EBF2: variants seen among roughly 807,000 people sequenced by gnomAD.
EBF2 encodes transcription factor COE2.
In EBF2, 21 loss-of-function variants were observed where a neutral mutation model predicts 72.8. The observed-to-expected ratio is 0.29, with a 90% CI of 0.20 to 0.42. The LOEUF is 0.42. Among genes scored for constraint, EBF2 ranks in the 10% least tolerant of loss-of-function variants. The probability of loss-of-function intolerance (pLI) is 1.00; values close to 1 mark genes in which losing one functional copy is unlikely to be tolerated. For synonymous variants in EBF2, 299 were observed against 274.2 expected, an observed-to-expected ratio of 1.09 and a Z score of -0.89; for missense variants, 637 against 731.2, an observed-to-expected ratio of 0.87 and a Z score of 1.49.
At chr8:25,847,533 C>T (rs1283182720) in intron 15 of EBF2, among the ~76,000 whole-genome samples, 5 of 152,192 alleles carry the variant, frequency 3.3e-5, no homozygotes, top group Non-Finnish European at 5.9e-5. Flanking sequence ...TGTCAACCCT[C>T]GCCTCCTCCC....
chr8:25,844,487 C>T lies in EBF2; in HGVS notation c.*122G>A. The T allele has an allele frequency of 8.7e-7, 1 of 1,146,430 alleles. No homozygotes were observed. Among genetic ancestry groups the T allele is most frequent in the East Asian group, 2.4e-5 (1 of 42,434 alleles). The allele number at this position is 1,146,430 out of a possible 1,614,324, so 71.0% of individuals were successfully genotyped here. On this transcript the variant is annotated 3_prime_UTR_variant, in exon 16 of 16. Coordinates refer to ENST00000520164, the MANE Select transcript of EBF2 (RefSeq NM_022659.4). ...AGTAAGATGCTGGCTCCTTGCAGACCCAAGGGTGTCCATCATGTTCATGTG... is the reference window on the plus strand; with the variant it reads ...AGTAAGATGCTGGCTCCTTGCAGACTCAAGGGTGTCCATCATGTTCATGTG...
Position 25,916,484 on chromosome 8 carries a change from A to C in EBF2, c.552-7929T>G, listed in dbSNP as rs564720748. On this transcript the variant is annotated intron_variant, in intron 6 of 15. Transcript: ENST00000520164. ...CCCATGTATTGCCCCTTTCTCCCCC[A>C]CCACATTTTAAAACAGCCCATTTTC... 5.3e-5 allele frequency among the ~76,000 whole-genome samples: 8 copies of C among 152,042 alleles called. No homozygotes were observed. The South Asian group carries it at 1.7e-3, about 32-fold the overall frequency.
intron 7 of EBF2, among the ~76,000 whole-genome samples, chr8:25,906,472 T>C (rs1028892353): frequency 6.6e-5 from 10 of 152,146 alleles, no homozygotes; most frequent in African/African-American, 2.4e-4. Flanking sequence ...TTTTTCTTCA[T>C]ACAAGAAAGT....
intron 6 of EBF2, among the ~76,000 whole-genome samples, chr8:25,916,170 TA>T (rs1803210709): frequency 6.6e-6 from 1 of 151,218 alleles, no homozygotes; most frequent in South Asian, 2.1e-4. Flanking sequence ...CCTGTAATCC[TA>T]GCGACTTGGG....
rs113156872 is a variant in EBF2, at chr8:25,976,785, G to A, written c.551+56300C>T. On this transcript the variant is annotated intron_variant, in intron 6 of 15. Transcript: ENST00000520164. ...CAAAAATAAAGATTGGCCTTTTCCC[G>A]GTAAACATGGACTCTTAAGCCTCTA... is the stretch of plus-strand genomic sequence containing the variant. 3.4e-3 allele frequency among the ~76,000 whole-genome samples: 518 copies of A among 152,240 alleles called. 3 individuals carry two copies. The highest frequency in any genetic ancestry group is 0.012 in the African/African-American group (490 of 41,532).
intron 6 of EBF2, among the ~76,000 whole-genome samples, chr8:26,005,500 A>ATATAATATATATTT (rs1196970688): frequency 0.016 from 1,058 of 67,900 alleles, 9 homozygotes; most frequent in South Asian, 0.023. Flanking sequence ...ATATTATAAA[A>ATATAATATATATTT]TATAATATAT....
intron 6 of EBF2, among the ~76,000 whole-genome samples, chr8:26,008,915 G>A (rs974472630): frequency 6.7e-6 from 1 of 149,300 alleles, no homozygotes; most frequent in Non-Finnish European, 1.5e-5. Flanking sequence ...GTGTAAAATT[G>A]TAGGAAAAGT....
intron 6 of EBF2, among the ~76,000 whole-genome samples, chr8:26,016,028 T>C (rs1207396247): frequency 6.6e-6 from 1 of 152,234 alleles, no homozygotes; most frequent in Non-Finnish European, 1.5e-5. Flanking sequence ...AAGGTTAAAA[T>C]TATTTCATTC....
At chr8:25,888,169 T>A (rs1802723693) in intron 8 of EBF2, among the ~76,000 whole-genome samples, 197 bp from the exon 9 acceptor site, 1 of 152,216 alleles carries the variant, frequency 6.6e-6, no homozygotes, top group Non-Finnish European at 1.5e-5. Context: ...CCACCACAGA[T>A]AAGAAAACAA....
chr8:25,952,886 G>A (rs938025457), intron 6 of EBF2, among the ~76,000 whole-genome samples: 1 of 151,976 alleles, frequency 6.6e-6, no homozygotes, highest in Admixed American at 6.6e-5. Flanking sequence ...ATAAGTATTG[G>A]GGGTTCTTTT....
rs771443082 is a variant in EBF2, at chr8:25,861,211, G to T, written c.1180C>A (p.Arg394=). 1.6e-5 allele frequency: 25 copies of T among 1,612,758 alleles called. No homozygotes were observed. The highest frequency in any genetic ancestry group is 2.1e-5 in the Non-Finnish European group (25 of 1,179,232). ...AGAGCTTCAGCAATGTCTGCGGCTCGCTTCAAAATGATGTCCTACAAAACA... is the reference window on the plus strand; with the variant it reads ...AGAGCTTCAGCAATGTCTGCGGCTCTCTTCAAAATGATGTCCTACAAAACA... ...PHNNQDIILK[R]AADIAEALYS... The change falls in exon 13 of 16, where the codon CGA becomes AGA. Residue 394 remains arginine (R), a synonymous_variant. Coordinates refer to ENST00000520164, the MANE Select transcript of EBF2 (RefSeq NM_022659.4).
intron 7 of EBF2, among the ~76,000 whole-genome samples, chr8:25,900,959 T>C (rs190926471): frequency 6.6e-5 from 10 of 152,190 alleles, no homozygotes; most frequent in Non-Finnish European, 1.2e-4. Context: ...TCAAACCAGC[T>C]AAAAGAGAGA....
chr8:25,873,612 G>C (rs1802475558), intron 10 of EBF2, among the ~76,000 whole-genome samples: 2 of 152,210 alleles, frequency 1.3e-5, no homozygotes, highest in African/African-American at 2.4e-5. Flanking sequence ...CAGTGCACAA[G>C]TGAAAGATTA....
At chr8:26,022,337 C>T (rs1248673557) in intron 6 of EBF2, among the ~76,000 whole-genome samples, 2 of 152,118 alleles carry the variant, frequency 1.3e-5, no homozygotes, top group Non-Finnish European at 2.9e-5. Flanking sequence ...TTGTGCACGT[C>T]GTTTTCAATT....
intron 6 of EBF2, among the ~76,000 whole-genome samples, chr8:25,997,571 CAAA>C (rs11302993): frequency 1.2e-4 from 15 of 130,154 alleles, no homozygotes; most frequent in Admixed American, 1.5e-4. Context: ...GATCCTATCT[CAAA>C]AAAAAAAAAA....
chr8:25,855,638 T>G (rs1370979242), intron 14 of EBF2, among the ~76,000 whole-genome samples: 1 of 152,158 alleles, frequency 6.6e-6, no homozygotes, highest in Non-Finnish European at 1.5e-5. Flanking sequence ...TGACAAAATG[T>G]TTTCCCCCGG....
intron 5 of EBF2, among the ~76,000 whole-genome samples, chr8:26,035,143 ATT>A (rs11348637): frequency 0.32 from 45,783 of 144,220 alleles, 7,483 homozygotes; most frequent in African/African-American, 0.43. Flanking sequence ...CAGTCTTAGA[ATT>A]TTTTTTTTTT....
intron 14 of EBF2, among the ~76,000 whole-genome samples, chr8:25,851,228 G>A (rs1432815982): frequency 6.6e-6 from 1 of 152,098 alleles, no homozygotes; most frequent in Non-Finnish European, 1.5e-5. Flanking sequence ...AAGGCTCCAG[G>A]GGTTTGGTCT....
intron 9 of EBF2, 129 bp from the exon 10 acceptor site, chr8:25,887,010 T>A: frequency 1.1e-6 from 1 of 942,070 alleles, no homozygotes; most frequent in Non-Finnish European, 1.5e-6. Flanking sequence ...CTAACTGGAG[T>A]ACTCCTAGCT....
Sources: gnomAD v4.1 joint callset for allele counts (sites outside exome capture counted in the v4.1 genomes callset) on GRCh38, gnomAD v4.1.1 for gene constraint, MANE v1.5 for transcripts, NCBI Gene and HGNC (gene_info 2026-07-23, HGNC 2026-07-21) for gene names.